The following TMEM232 variants were observed in gnomAD, a reference collection of about 807,000 sequenced individuals.
TMEM232 encodes the protein transmembrane protein 232.
In TMEM232, 80 loss-of-function variants were observed where a neutral mutation model predicts 78.8. The ratio of observed to expected loss-of-function variants is 1.01; its 90% CI spans 0.85 to 1.22. The LOEUF (loss-of-function observed/expected upper bound fraction) is 1.22. Among genes scored for constraint, TMEM232 ranks in the 50% most tolerant of loss-of-function variants. TMEM232 has a pLI of 0.00. For synonymous variants in TMEM232, 297 were observed against 254.3 expected (o/e 1.17, Z -1.60); for missense variants, 881 against 742.2 (o/e 1.19, Z -2.17).
Position 110,455,371 on chromosome 5 carries a change from A to T in TMEM232, c.1704-30455T>A, listed in dbSNP as rs374506125. Among the ~76,000 whole-genome samples, 66 of 151,868 alleles carry T rather than the reference A, an allele frequency of 4.3e-4. 1 individual carries two copies. The South Asian group carries it at 0.013, about 31-fold the overall frequency. ...AGTGAACAATATTTCTCATGAAAGT[A>T]GATATAAACTTTTTTTTTTTTTTTG... is the stretch of plus-strand genomic sequence containing the variant. On this transcript the variant is annotated intron_variant, in intron 12 of 13. Transcript: ENST00000455884.
chr5:110,587,696 T>TGTGG (rs1779019487), intron 10 of TMEM232, among the ~76,000 whole-genome samples: 1 of 65,952 alleles, frequency 1.5e-5, no homozygotes, highest in Non-Finnish European at 2.5e-5. Context: ...TATATATGTG[T>TGTGG]GTGTGTGTGT....
chr5:110,391,041 T>A (rs2112555519), intron 3 of TMEM232, among the ~76,000 whole-genome samples: 1 of 152,366 alleles, frequency 6.6e-6, no homozygotes, highest in East Asian at 1.9e-4. Context: ...GATGCCACAG[T>A]GGTTTAGACC....
At chr5:110,510,642 A>G (rs1464950280) in intron 12 of TMEM232, among the ~76,000 whole-genome samples, 1 of 152,232 alleles carries the variant, frequency 6.6e-6, no homozygotes, top group Non-Finnish European at 1.5e-5. Flanking sequence ...AAGGATATGA[A>G]CAGACACTTC....
At chr5:110,548,520 C>T (rs915710540) in intron 11 of TMEM232, among the ~76,000 whole-genome samples, 3 of 150,826 alleles carry the variant, frequency 2.0e-5, no homozygotes, top group African/African-American at 7.3e-5. Flanking sequence ...TGTGTAACCA[C>T]CAAACGAGTA....
At chr5:110,689,522 T>C (rs567611217) in intron 1 of TMEM232, among the ~76,000 whole-genome samples, 3 of 152,224 alleles carry the variant, frequency 2.0e-5, no homozygotes, top group East Asian at 1.9e-4. Flanking sequence ...TTGGACAAGA[T>C]AGGAAGAATC....
At chr5:110,388,907 A>G (rs2112552998) in intron 4 of TMEM232, among the ~76,000 whole-genome samples, 1 of 152,248 alleles carries the variant, frequency 6.6e-6, no homozygotes, top group African/African-American at 2.4e-5. Context: ...CTTTCATGTG[A>G]GTTAGAGGAT....
intron 10 of TMEM232, among the ~76,000 whole-genome samples, chr5:110,591,804 G>T (rs1779575433): frequency 1.3e-5 from 2 of 151,970 alleles, no homozygotes; most frequent in Admixed American, 1.3e-4. Context: ...ACTTACTAAT[G>T]TTAAAGGTAT....
intron 2 of TMEM232, among the ~76,000 whole-genome samples, chr5:110,661,424 CA>C (rs1789783935): frequency 6.7e-6 from 1 of 150,100 alleles, no homozygotes; most frequent in South Asian, 2.1e-4. Context: ...TAACCCCCCC[CA>C]CCTCATCTTC....
At chr5:110,723,198 G>A (rs571110996) in intron 1 of TMEM232, among the ~76,000 whole-genome samples, 2 of 152,140 alleles carry the variant, frequency 1.3e-5, no homozygotes, top group South Asian at 4.1e-4. Context: ...ATAGTTATAG[G>A]TCTATTCAGA....
chr5:110,585,745 A>T (rs904939077), intron 10 of TMEM232, among the ~76,000 whole-genome samples: 3 of 152,094 alleles, frequency 2.0e-5, no homozygotes, highest in African/African-American at 7.2e-5. Context: ...AGCATGAGGG[A>T]GGAAAGAGTG....
chr5:110,721,429 T>G (rs1034324725), intron 1 of TMEM232, among the ~76,000 whole-genome samples: 1 of 151,490 alleles, frequency 6.6e-6, no homozygotes, highest in African/African-American at 2.4e-5. Flanking sequence ...TCATAATGTC[T>G]AGGGTTCTGA....
intron 12 of TMEM232, among the ~76,000 whole-genome samples, chr5:110,498,281 T>C (rs1427991623): frequency 2.6e-5 from 4 of 151,982 alleles, no homozygotes; most frequent in Non-Finnish European, 5.9e-5. Context: ...AAAATAAGAA[T>C]AAAGAAACTG....
chr5:110,436,198 C>A (rs931782405), intron 12 of TMEM232, among the ~76,000 whole-genome samples: 1 of 152,076 alleles, frequency 6.6e-6, no homozygotes, highest in East Asian at 1.9e-4. Context: ...TTGCATTTCT[C>A]GGATGATTAA....
intron 1 of TMEM232, among the ~76,000 whole-genome samples, chr5:110,683,167 A>G (rs189942532): frequency 4.0e-4 from 61 of 152,276 alleles, no homozygotes; most frequent in Admixed American, 1.4e-3. Context: ...TAAATGGACT[A>G]AGCAATAAAT....
chr5:110,664,248 T>C (rs1790249106), intron 2 of TMEM232, among the ~76,000 whole-genome samples: 1 of 152,118 alleles, frequency 6.6e-6, no homozygotes, highest in African/African-American at 2.4e-5. Context: ...TGGAAAATAA[T>C]AAATAAGGAA....
At chr5:110,642,449 G>A (rs886397782) in intron 2 of TMEM232, 78 bp from the exon 3 acceptor site, 1 of 981,464 alleles carries the variant, frequency 1.0e-6, no homozygotes, top group African/African-American at 1.7e-5. Context: ...ACTTCCAGTG[G>A]CTATGTATAA....
intron 1 of TMEM232, among the ~76,000 whole-genome samples, chr5:110,676,268 A>T (rs3101035): frequency 1 from 152,138 of 152,332 alleles, 75,972 homozygotes; most frequent in Middle Eastern, 1. Context: ...TGATTTCATT[A>T]CCATTGAATA....
intron 12 of TMEM232, among the ~76,000 whole-genome samples, chr5:110,462,124 G>C (rs1761599654): frequency 6.6e-6 from 1 of 152,136 alleles, no homozygotes; most frequent in Non-Finnish European, 1.5e-5. Context: ...ATATGAGCAA[G>C]GTAAATTGAA....
chr5:110,626,983 A>G (rs373467279), intron 6 of TMEM232, among the ~76,000 whole-genome samples: 16 of 152,118 alleles, frequency 1.1e-4, no homozygotes, highest in African/African-American at 3.6e-4. Context: ...CCTCGGCCAC[A>G]TTAACATGGA....
Sources: allele counts gnomAD v4.1 joint callset (sites outside exome capture counted in the v4.1 genomes callset), GRCh38; gene constraint gnomAD v4.1.1; transcripts MANE v1.5; gene names NCBI Gene and HGNC (gene_info 2026-07-23, HGNC 2026-07-21).